PCGF5: variants seen among roughly 807,000 people sequenced by gnomAD.
The protein encoded by PCGF5 is polycomb group ring finger 5.
Under a neutral mutation model 44.3 loss-of-function variants are expected in PCGF5, and 9 were observed. That is an observed-to-expected ratio of 0.20 (90% CI 0.12 to 0.35). The LOEUF (loss-of-function observed/expected upper bound fraction) is 0.35, where lower values mean the gene tolerates loss of function less well. Ranked by LOEUF, PCGF5 falls within the 10% of genes least tolerant of loss-of-function variation. PCGF5 has a pLI of 1.00. For synonymous variants in PCGF5, 95 were observed against 102.5 expected, an observed-to-expected ratio of 0.93 and a Z score of 0.44; for missense variants, 146 against 305.3, an observed-to-expected ratio of 0.48 and a Z score of 3.89.
At position 91,204,011 on chromosome 10, in the gene PCGF5, G is replaced by A. The variant is rs182462326; in HGVS notation, c.-183-18678G>A. On this transcript the variant is annotated intron_variant, in intron 1 of 9. Transcript: ENST00000614189. The stretch of plus-strand genomic sequence containing the variant: ...CTATTTGATGTTTATTGTTGAGTTT[G>A]TGAAGCATGACACCACAAAATCATA... Among the ~76,000 whole-genome samples the A allele has an allele frequency of 1.2e-4, 19 of 152,236 alleles. No homozygotes were observed. The East Asian group carries it at 2.5e-3, about 20-fold the overall frequency.
intron 1 of PCGF5, among the ~76,000 whole-genome samples, chr10:91,199,333 G>C (rs1844203059): frequency 6.6e-6 from 1 of 152,256 alleles, no homozygotes; most frequent in Admixed American, 6.5e-5. Context: ...GGCAGAAAAG[G>C]AGTTGAGCTG....
At chr10:91,270,164 T>C (rs1451156091) in intron 8 of PCGF5, among the ~76,000 whole-genome samples, 2 of 152,216 alleles carry the variant, frequency 1.3e-5, no homozygotes, top group Non-Finnish European at 2.9e-5. Context: ...CATCGTGTAC[T>C]CACGTTCTTC....
chr10:91,202,708 G>A (rs1844274590), intron 1 of PCGF5, among the ~76,000 whole-genome samples: 2 of 152,110 alleles, frequency 1.3e-5, no homozygotes, highest in Non-Finnish European at 2.9e-5. Context: ...ACTAATTATT[G>A]ATCTTAAATA....
upstream of PCGF5, among the ~76,000 whole-genome samples, chr10:91,218,565 A>C (rs1382674890): frequency 6.6e-6 from 1 of 152,180 alleles, no homozygotes; most frequent in Non-Finnish European, 1.5e-5. Flanking sequence ...TACAATCTGC[A>C]TACACATCAC....
Position 91,281,278 on chromosome 10 carries a change from C to T in PCGF5, c.*2962C>T, listed in dbSNP as rs1434870633. ...TAGAGGAGTATATTATTTCTTTATA[C>T]ATTAAACATCTATCCCATAGTAATG... On this transcript the variant is annotated 3_prime_UTR_variant, in exon 10 of 10. Transcript: ENST00000336126. 3 of 152,514 alleles carry T rather than the reference C, an allele frequency of 2.0e-5. No homozygotes were observed. The highest frequency in any genetic ancestry group is 4.4e-5 in the Non-Finnish European group (3 of 67,930). 9.4% of individuals were successfully genotyped at this position (152,514 alleles called of 1,614,324 possible).
intron 6 of PCGF5, among the ~76,000 whole-genome samples, chr10:91,256,242 A>G (rs904544397): frequency 5.9e-5 from 9 of 152,140 alleles, no homozygotes; most frequent in African/African-American, 1.7e-4. Flanking sequence ...TGATCTCACC[A>G]AATACAGAAT....
chr10:91,236,041 G>T (rs1453606635), intron 2 of PCGF5, among the ~76,000 whole-genome samples: 1 of 152,130 alleles, frequency 6.6e-6, no homozygotes, highest in Non-Finnish European at 1.5e-5. Flanking sequence ...TCATGCCACT[G>T]CCCTCCAGCC....
chr10:91,240,519 A>G lies in PCGF5; in HGVS notation c.148A>G (p.Ser50Gly). Reference sequence around the variant, plus strand: ...TTGTATTGTTCAGCACTTTGAAGATAGCAATGATTGCCCAAGGTGTGGCAA... The same window carrying G: ...TTGTATTGTTCAGCACTTTGAAGATGGCAATGATTGCCCAAGGTGTGGCAA... ...KTCIVQHFED[S>G]NDCPRCGNQV... Residue 50 changes from serine to glycine, a missense_variant, in exon 3 of 10, where the codon AGC becomes GGC. Ser to Gly is a moderately conservative substitution (Grantham distance 56). Transcript: ENST00000336126. 3 of 1,612,134 alleles carry G rather than the reference A, an allele frequency of 1.9e-6. No homozygotes were observed. Among genetic ancestry groups the G allele is most frequent in the Non-Finnish European group, 2.5e-6 (3 of 1,178,908 alleles).
chr10:91,213,149 T>C (rs1262853122), intron 1 of PCGF5, among the ~76,000 whole-genome samples: 1 of 152,200 alleles, frequency 6.6e-6, no homozygotes, highest in Non-Finnish European at 1.5e-5. Flanking sequence ...AGTTTCTTGT[T>C]TAGCACTCCA....
chr10:91,172,967 T>C (rs1161202961), intron 1 of PCGF5, among the ~76,000 whole-genome samples: 4 of 152,204 alleles, frequency 2.6e-5, no homozygotes, highest in African/African-American at 9.7e-5. Flanking sequence ...CTTAATTAGA[T>C]GTATGGAAAT....
chr10:91,249,371 GTA>G (rs3074316), intron 5 of PCGF5, among the ~76,000 whole-genome samples: 85 of 120,484 alleles, frequency 7.1e-4, no homozygotes, highest in African/African-American at 1.1e-3. Flanking sequence ...GGCTTTTAGT[GTA>G]TATATATATA....
chr10:91,158,163 A>G (rs181699817), upstream of PCGF5, among the ~76,000 whole-genome samples: 38 of 152,364 alleles, frequency 2.5e-4, no homozygotes, highest in Admixed American at 7.2e-4. Flanking sequence ...ATGAAAGTCA[A>G]GTAGACTTTA....
chr10:91,251,220 T>C (rs1229056994), intron 5 of PCGF5, 72 bp from the exon 6 acceptor site: 3 of 1,229,548 alleles, frequency 2.4e-6, no homozygotes, highest in South Asian at 3.1e-5. Flanking sequence ...GTTTTGATTA[T>C]CAATGTATGA....
At chr10:91,239,223 C>T (rs1297957422) in intron 2 of PCGF5, among the ~76,000 whole-genome samples, 2 of 152,258 alleles carry the variant, frequency 1.3e-5, no homozygotes, top group East Asian at 3.9e-4. Context: ...AGAATTTGGG[C>T]TTTGTTTTGT....
At position 91,193,488 on chromosome 10, in the gene PCGF5, CAG is replaced by C. The variant is rs201966632; in HGVS notation, c.-183-29195_-183-29194del. On this transcript the variant is annotated intron_variant, in intron 1 of 9. Coordinates refer to the PCGF5 transcript ENST00000614189. ...TAGTGGAGTAAGAATGTGTTCTAGA[CAG>C]AGAGAACAGTGACAGCCAAGTCCTA... is the stretch of plus-strand genomic sequence containing the variant. Among the ~76,000 whole-genome samples, 1,404 of 151,740 alleles carry C rather than the reference CAG, an allele frequency of 9.3e-3. 10 individuals carry two copies. Among genetic ancestry groups the C allele is most frequent in the Non-Finnish European group, 0.015 (1,048 of 67,954 alleles).
chr10:91,232,913 G>C (rs1004739522), intron 2 of PCGF5, among the ~76,000 whole-genome samples: 8 of 152,208 alleles, frequency 5.3e-5, no homozygotes, highest in Non-Finnish European at 4.4e-5. Context: ...GGATTCACTT[G>C]AGGTTCATGG....
intron 2 of PCGF5, among the ~76,000 whole-genome samples, chr10:91,239,015 A>G (rs1845254773): frequency 6.6e-6 from 1 of 152,106 alleles, no homozygotes. Flanking sequence ...CATTCATCCA[A>G]CAAAACTGCT....
intron 1 of PCGF5, among the ~76,000 whole-genome samples, chr10:91,177,602 A>C (rs1175862710): frequency 1.3e-5 from 2 of 152,204 alleles, no homozygotes; most frequent in African/African-American, 2.4e-5. Context: ...AGCCTCAGCA[A>C]TGGTGGGCGC....
rs370230688 is a variant in PCGF5, at chr10:91,243,790, A to G, written c.209+3210A>G. Among the ~76,000 whole-genome samples the G allele has an allele frequency of 2.6e-5, 4 of 152,360 alleles. No individual in the cohort carries two copies. In the South Asian group the frequency reaches 8.3e-4, roughly 32 times the overall value. On this transcript the variant is annotated intron_variant, in intron 3 of 9. Transcript: ENST00000336126. ...AATGTATTATTAAAGATATTTTAAT[A>G]TATAGCAAAACATTAAAGTTAGTTT... is the stretch of plus-strand genomic sequence containing the variant.
Sources: gnomAD v4.1 joint callset for allele counts (sites outside exome capture counted in the v4.1 genomes callset) on GRCh38, gnomAD v4.1.1 for gene constraint, MANE v1.5 for transcripts, NCBI Gene and HGNC (gene_info 2026-07-23, HGNC 2026-07-21) for gene names.